The following TGM3 variants were observed in gnomAD, a reference collection of about 807,000 sequenced individuals.
TGM3 encodes the protein protein-glutamine gamma-glutamyltransferase E.
TGM3 carries 52 observed loss-of-function variants against 73.8 expected under a neutral mutation model. The ratio of observed to expected loss-of-function variants is 0.70; its 90% CI spans 0.56 to 0.89. The LOEUF (loss-of-function observed/expected upper bound fraction) is 0.89, where lower values mean the gene tolerates loss of function less well. Among genes scored for constraint, TGM3 ranks in the 40% least tolerant of loss-of-function variants. TGM3 has a pLI of 0.00. For missense variants in TGM3, 928 were observed against 909.9 expected (o/e 1.02, Z -0.26); for synonymous variants, 372 against 354.9 (o/e 1.05, Z -0.54).
At chr20:2,296,290 C>T (rs1355743436) in intron 1 of TGM3, among the ~76,000 whole-genome samples, 1 of 152,180 alleles carries the variant, frequency 6.6e-6, no homozygotes, top group African/African-American at 2.4e-5. Flanking sequence ...TGGAATGTAG[C>T]TCTGAATAAT....
chr20:2,340,589 T>G lies in TGM3; in HGVS notation c.*8T>G. On this transcript the variant is annotated 3_prime_UTR_variant, in exon 13 of 13. Transcript: ENST00000381458. ...ATCGATGTAGCCGAATGAAGGGCGCTGGTGGCCTCCCGTACAAACTTGGAC... is the reference window on the plus strand; with the variant it reads ...ATCGATGTAGCCGAATGAAGGGCGCGGGTGGCCTCCCGTACAAACTTGGAC... The G allele has an allele frequency of 6.2e-7, 1 of 1,614,190 alleles. No individual in the cohort carries two copies. The highest frequency in any genetic ancestry group is 1.7e-5 in the Admixed American group (1 of 60,028).
In TGM3 at chr20:2,312,993, C is replaced by T. The variant is rs756605383; in HGVS notation, c.636C>T (p.Asp212=). The stretch of plus-strand genomic sequence containing the variant: ...CTACTGATGTGGCCAGCAGAAATGA[C>T]CCCAAATACGTTGGCCGGGTGCTGA... ...DAATDVASRN[D]PKYVGRVLSA... The change falls in exon 5 of 13, where the codon GAC becomes GAT. Residue 212 remains aspartate, a synonymous_variant. Transcript: ENST00000381458. 2 of 1,614,194 alleles carry T rather than the reference C, an allele frequency of 1.2e-6. No homozygotes were observed. Among genetic ancestry groups the T allele is most frequent in the South Asian group, 1.1e-5 (1 of 91,084 alleles).
intron 1 of TGM3, 89 bp from the exon 2 acceptor site, chr20:2,309,568 C>G: frequency 7.0e-7 from 1 of 1,426,528 alleles, no homozygotes; most frequent in South Asian, 1.2e-5. Context: ...AAGCCTCACC[C>G]CAAAGCTGCT....
intron 7 of TGM3, among the ~76,000 whole-genome samples, chr20:2,323,008 T>C (rs1209715051): frequency 6.6e-6 from 1 of 152,222 alleles, no homozygotes; most frequent in African/African-American, 2.4e-5. Flanking sequence ...TTATGTATAA[T>C]TTTTTAATGA....
chr20:2,312,626 A>T (rs925611845), intron 4 of TGM3, among the ~76,000 whole-genome samples: 11 of 152,022 alleles, frequency 7.2e-5, no homozygotes, highest in Non-Finnish European at 1.2e-4. Context: ...ATAATTTTTT[A>T]TTTATTATCC....
intron 7 of TGM3, among the ~76,000 whole-genome samples, chr20:2,320,292 C>T (rs1258507322): frequency 6.6e-6 from 1 of 152,174 alleles, no homozygotes; most frequent in Non-Finnish European, 1.5e-5. Flanking sequence ...ACAGCAGCAA[C>T]TAATAATTTG....
intron 7 of TGM3, among the ~76,000 whole-genome samples, chr20:2,321,467 C>G (rs2084262769): frequency 6.6e-6 from 1 of 152,136 alleles, no homozygotes; most frequent in Non-Finnish European, 1.5e-5. Flanking sequence ...GGGAGTTTAC[C>G]TACAGAAGGG....
chr20:2,340,310 G>A, intron 12 of TGM3, 124 bp from the exon 13 acceptor site: 8 of 1,399,316 alleles, frequency 5.7e-6, no homozygotes, highest in Non-Finnish European at 7.8e-6. Context: ...GACAGCTAGA[G>A]GGAGCTAAAG....
At chr20:2,301,863 G>A (rs1210620005) in intron 1 of TGM3, among the ~76,000 whole-genome samples, 1 of 152,120 alleles carries the variant, frequency 6.6e-6, no homozygotes. Context: ...ACCACGTCCG[G>A]CTAATTTTTG....
At chr20:2,329,014 C>G (rs45615334) in intron 9 of TGM3, among the ~76,000 whole-genome samples, 1 of 152,220 alleles carries the variant, frequency 6.6e-6, no homozygotes, top group Non-Finnish European at 1.5e-5. Flanking sequence ...AAACCAGCAG[C>G]GCATCTCTTG....
intron 7 of TGM3, among the ~76,000 whole-genome samples, chr20:2,319,234 C>T (rs1208190714): frequency 2.0e-5 from 3 of 152,180 alleles, no homozygotes; most frequent in Non-Finnish European, 4.4e-5. Context: ...GTTGGTGAGA[C>T]AAGTTGGGGG....
At position 2,317,053 on chromosome 20, in the gene TGM3, G is replaced by C; in HGVS notation, c.670-15G>C. The C allele has an allele frequency of 1.2e-6, 2 of 1,611,756 alleles. No individual in the cohort carries two copies. Among genetic ancestry groups the C allele is most frequent in the Non-Finnish European group, 1.7e-6 (2 of 1,178,632 alleles). ...ATTAGTGCTGACTCATTTTGGGGGG[G>C]TGGTTTCTGCCCAGATCAATAGCAA... is the stretch of plus-strand genomic sequence containing the variant. On this transcript the variant is annotated splice_polypyrimidine_tract_variant and intron_variant, in intron 5 of 12. Coordinates refer to ENST00000381458, the MANE Select transcript of TGM3 (RefSeq NM_003245.4).
chr20:2,337,562 T>A (rs1220834118), intron 11 of TGM3, among the ~76,000 whole-genome samples: 1 of 151,774 alleles, frequency 6.6e-6, no homozygotes, highest in African/African-American at 2.4e-5. Flanking sequence ...CTACTAAAAA[T>A]AGAAAAAATT....
intron 1 of TGM3, among the ~76,000 whole-genome samples, chr20:2,307,826 A>G (rs1158887735): frequency 6.6e-6 from 1 of 152,118 alleles, no homozygotes; most frequent in Non-Finnish European, 1.5e-5. Flanking sequence ...TGGTCATCGC[A>G]TGATATTAGT....
rs992787628 is a variant in TGM3, at chr20:2,334,139, C to T, written c.1643-977C>T. Among the ~76,000 whole-genome samples, 19 of 152,060 alleles carry T rather than the reference C, an allele frequency of 1.2e-4. No individual in the cohort carries two copies. Among genetic ancestry groups the T allele is most frequent in the Admixed American group, 3.3e-4 (5 of 15,284 alleles). On this transcript the variant is annotated intron_variant, in intron 10 of 12. Transcript: ENST00000381458. The surrounding 1 kb of genome is among the most constrained non-coding windows in gnomAD (Gnocchi z 4.0). ...CAGGGTCAGAAGAGAGGACTTAAAG[C>T]GTGGGGAAGGAGCCGGATGCATGGA...
rs1182418554 is a variant in TGM3 at position 2,317,234 on chromosome 20, C to A, written c.836C>A (p.Thr279Asn). The A allele has an allele frequency of 1.2e-6, 2 of 1,614,090 alleles. No individual in the cohort carries two copies. Among genetic ancestry groups the A allele is most frequent in the Non-Finnish European group, 1.7e-6 (2 of 1,180,020 alleles). Residue 279 changes from threonine (T) to asparagine (N), a missense_variant, in exon 6 of 13, where the codon ACC becomes AAC. Coordinates refer to ENST00000381458, the MANE Select transcript of TGM3 (RefSeq NM_003245.4). ...GGCCAGTGCTGGGTCTTTGCTGGGA[C>A]CCTCAACACAGGTACCTTGGGTGTG... is the stretch of plus-strand genomic sequence containing the variant. ...RYGQCWVFAG[T>N]LNTALRSLGI...
At position 2,301,352 on chromosome 20, in the gene TGM3, A is replaced by G. The variant is rs147300236; in HGVS notation, c.7+5282A>G. On this transcript the variant is annotated intron_variant, in intron 1 of 12. Transcript: ENST00000381458. Reference sequence around the variant, plus strand: ...TCTGAGACCCGGCTTCTGGGCTAAGATCTGCTTCAACTCCGTGACTTCCCC... The same window carrying G: ...TCTGAGACCCGGCTTCTGGGCTAAGGTCTGCTTCAACTCCGTGACTTCCCC... Among the ~76,000 whole-genome samples the G allele has an allele frequency of 4.8e-4, 72 of 149,976 alleles. No individual in the cohort carries two copies. In the East Asian group the frequency reaches 0.013, roughly 28 times the overall value.
At chr20:2,323,122 T>G (rs1181768084) in intron 7 of TGM3, among the ~76,000 whole-genome samples, 1 of 152,164 alleles carries the variant, frequency 6.6e-6, no homozygotes, top group Non-Finnish European at 1.5e-5. Flanking sequence ...TTACATAAGT[T>G]CTTTAGTGGC....
chr20:2,335,811 G>A (rs2084347437), intron 11 of TGM3, among the ~76,000 whole-genome samples: 1 of 152,158 alleles, frequency 6.6e-6, no homozygotes, highest in African/African-American at 2.4e-5. Flanking sequence ...CTAGACCCTG[G>A]AGTTACAGAA....
Sources: allele counts gnomAD v4.1 joint callset (sites outside exome capture counted in the v4.1 genomes callset), GRCh38; gene constraint gnomAD v4.1.1; non-coding constraint Gnocchi (gnomAD v3.1); transcripts MANE v1.5; gene names NCBI Gene and HGNC (gene_info 2026-07-23, HGNC 2026-07-21).